Variants in INPP5D observed in about 807,000 individuals in gnomAD.
The protein encoded by INPP5D is inositol polyphosphate-5-phosphatase D.
INPP5D carries 33 observed loss-of-function variants against 122.9 expected under a neutral mutation model. That is an observed-to-expected ratio of 0.27 (90% CI 0.20 to 0.36). INPP5D has a LOEUF of 0.36. Among genes scored for constraint, INPP5D ranks in the 10% least tolerant of loss-of-function variants. The pLI, the probability that INPP5D is intolerant of heterozygous loss-of-function variation, is 1.00. For missense variants in INPP5D, 1,053 were observed against 1,412.7 expected, an observed-to-expected ratio of 0.75 and a Z score of 4.08; for synonymous variants, 584 against 576.2, an observed-to-expected ratio of 1.01 and a Z score of -0.19.
intron 2 of INPP5D, among the ~76,000 whole-genome samples, chr2:233,114,987 C>G (rs1692745613): frequency 6.6e-6 from 1 of 152,150 alleles, no homozygotes; most frequent in Non-Finnish European, 1.5e-5. Flanking sequence ...CCTGCCTCAG[C>G]CTCCCAAGTA....
At chr2:233,142,017 G>T (rs1388896050) in intron 6 of INPP5D, among the ~76,000 whole-genome samples, 1 of 152,234 alleles carries the variant, frequency 6.6e-6, no homozygotes, top group Non-Finnish European at 1.5e-5. Flanking sequence ...TAAAACAGGG[G>T]CTCTGCCCGA....
chr2:233,144,426 TGATGGTGAGGGTGAA>T, intron 6 of INPP5D, among the ~76,000 whole-genome samples: 1 of 137,812 alleles, frequency 7.3e-6, no homozygotes, highest in African/African-American at 2.8e-5. Context: ...GTAGTGATGG[TGATGGTGAGGGTGAA>T]GGTGGTGGTA....
At chr2:233,086,161 C>CTTTT (rs772665820) in intron 2 of INPP5D, among the ~76,000 whole-genome samples, 1 of 146,754 alleles carries the variant, frequency 6.8e-6, no homozygotes, top group Non-Finnish European at 1.5e-5. Context: ...TTCTTTCTTT[C>CTTTT]TTTCTTTCTT....
intron 2 of INPP5D, among the ~76,000 whole-genome samples, chr2:233,088,350 T>C (rs1328631798): frequency 1.3e-5 from 2 of 152,244 alleles, no homozygotes; most frequent in East Asian, 3.8e-4. Context: ...CTGTTCATCT[T>C]TCTCCTCTTC....
intron 5 of INPP5D, 21 bp from the exon 6 acceptor site, chr2:233,139,821 C>T (rs2106273166): frequency 5.0e-6 from 2 of 398,712 alleles, no homozygotes; most frequent in East Asian, 7.1e-5. Context: ...CCTTGATGTT[C>T]ACCTTGTCCC....
chr2:233,106,406 G>A (rs949014057), intron 2 of INPP5D, among the ~76,000 whole-genome samples: 5 of 152,234 alleles, frequency 3.3e-5, no homozygotes, highest in African/African-American at 1.2e-4. Context: ...CCAGGAGGGC[G>A]AGTAGAAACT....
chr2:233,193,761 T>C (rs1695110785), intron 22 of INPP5D, 51 bp from the exon 23 acceptor site: 2 of 1,612,622 alleles, frequency 1.2e-6, no homozygotes, highest in East Asian at 2.2e-5. Flanking sequence ...TTGGTGTTTC[T>C]GCCATGAAAA....
chr2:233,147,744 C>T (rs1693807541), intron 9 of INPP5D, 150 bp downstream of exon 9: 9 of 606,020 alleles, frequency 1.5e-5, no homozygotes, highest in Non-Finnish European at 2.7e-5. Context: ...GTGTGTGTCT[C>T]TTCTCTTCCC....
At chr2:233,073,229 A>G (rs1691428329) in intron 1 of INPP5D, among the ~76,000 whole-genome samples, 2 of 152,204 alleles carry the variant, frequency 1.3e-5, no homozygotes, top group South Asian at 4.1e-4. Context: ...GCTCACTCGC[A>G]TTTGTTTCTT....
chr2:233,124,961 C>G lies in INPP5D; in HGVS notation c.350-784C>G, dbSNP rs114254639. Among the ~76,000 whole-genome samples, 145 of 152,374 alleles carry G rather than the reference C, an allele frequency of 9.5e-4. 3 individuals carry two copies. The highest frequency in any genetic ancestry group is 3.2e-3 in the African/African-American group (135 of 41,588). ...AGCAGACTCCTAGTTGTCTTCAGAA[C>G]CCCAGACAGAGGAAGTGAAGGGCCT... On this transcript the variant is annotated intron_variant, in intron 3 of 26. Transcript: ENST00000445964.
chr2:233,093,582 A>C (rs1692045080), intron 2 of INPP5D, among the ~76,000 whole-genome samples: 1 of 151,468 alleles, frequency 6.6e-6, no homozygotes, highest in African/African-American at 2.4e-5. Flanking sequence ...CAGGAGGCTA[A>C]GGCATGAGAA....
intron 2 of INPP5D, among the ~76,000 whole-genome samples, chr2:233,089,326 A>G (rs1446909223): frequency 6.6e-6 from 1 of 152,292 alleles, no homozygotes; most frequent in African/African-American, 2.4e-5. Context: ...GTTTACTACT[A>G]TTGTTGCTAT....
At chr2:233,169,933 C>T in intron 14 of INPP5D, 93 bp from the exon 15 acceptor site, 2 of 1,590,036 alleles carry the variant, frequency 1.3e-6, no homozygotes, top group Admixed American at 1.7e-5. Context: ...TGCTATGCTC[C>T]TCGCCCCACA....
At chr2:233,153,262 G>A (rs562838145) in intron 9 of INPP5D, among the ~76,000 whole-genome samples, 1 of 152,220 alleles carries the variant, frequency 6.6e-6, no homozygotes, top group African/African-American at 2.4e-5. Flanking sequence ...TGGCCTGATC[G>A]TAGCAGACTG....
chr2:233,176,658 G>C, intron 17 of INPP5D, among the ~76,000 whole-genome samples: 1 of 135,326 alleles, frequency 7.4e-6, no homozygotes, highest in East Asian at 2.2e-4. Flanking sequence ...TGGATGGATG[G>C]GTGGGTGGGT....
intron 1 of INPP5D, among the ~76,000 whole-genome samples, chr2:233,063,667 C>A (rs986582728): frequency 1.3e-5 from 2 of 152,260 alleles, no homozygotes; most frequent in East Asian, 3.8e-4. Context: ...GATCTCACCT[C>A]AGCAGCTTGG....
chr2:233,152,159 G>T (rs962428773), intron 9 of INPP5D, among the ~76,000 whole-genome samples: 11 of 152,192 alleles, frequency 7.2e-5, no homozygotes, highest in African/African-American at 2.7e-4. Context: ...TCCTACAGGG[G>T]TTGTTGTGAG....
In INPP5D at chr2:233,105,437, C is replaced by T. The variant is rs953129138; in HGVS notation, c.199-16670C>T. ...TTCTTTGGTGAATCCTTCCCTGATC[C>T]ACCAGGCTGAGTCTCCCGGAGCACC... is the stretch of plus-strand genomic sequence containing the variant. On this transcript the variant is annotated intron_variant, in intron 2 of 26. Transcript: ENST00000445964. This position sits in a 1 kb window ranked among gnomAD's most constrained non-coding sequence, Gnocchi z 4.0. Among the ~76,000 whole-genome samples the T allele has an allele frequency of 7.2e-5, 11 of 152,176 alleles. No individual in the cohort carries two copies. The highest frequency in any genetic ancestry group is 2.7e-4 in the African/African-American group (11 of 41,434).
chr2:233,207,313 A>G lies in INPP5D; in HGVS notation c.*605A>G, dbSNP rs1370759225. On this transcript the variant is annotated 3_prime_UTR_variant, in exon 27 of 27. Coordinates refer to ENST00000445964, the MANE Select transcript of INPP5D (RefSeq NM_001017915.3). This position sits in a 1 kb window ranked among gnomAD's most constrained non-coding sequence, Gnocchi z 4.6. ...AGAGTCTGGGTAGCTTGTTTAGGGTACAAGAAGCCTGTTCTGTCCAGCTTC... is the reference window on the plus strand; with the variant it reads ...AGAGTCTGGGTAGCTTGTTTAGGGTGCAAGAAGCCTGTTCTGTCCAGCTTC... The G allele has an allele frequency of 6.5e-6, 1 of 152,810 alleles. No homozygotes were observed. The highest frequency in any genetic ancestry group is 1.5e-5 in the Non-Finnish European group (1 of 68,082). The allele number at this position is 152,810 out of a possible 1,614,324, so 9.5% of individuals were successfully genotyped here.
Sources: gnomAD v4.1 joint callset for allele counts (sites outside exome capture counted in the v4.1 genomes callset) on GRCh38, gnomAD v4.1.1 for gene constraint, Gnocchi (gnomAD v3.1) non-coding constraint, MANE v1.5 for transcripts, NCBI Gene and HGNC (gene_info 2026-07-23, HGNC 2026-07-21) for gene names.